Variants in MTHFD1 observed in about 807,000 individuals in gnomAD.
MTHFD1 encodes C-1-tetrahydrofolate synthase, cytoplasmic.
In MTHFD1, 44 loss-of-function variants were observed where a neutral mutation model predicts 110.3. That is an observed-to-expected ratio of 0.40 (90% CI 0.31 to 0.51). The LOEUF is 0.51. MTHFD1 is among the 20% of genes least tolerant of loss of function. The pLI, the probability that MTHFD1 is intolerant of heterozygous loss-of-function variation, is 0.60. For missense variants in MTHFD1, 909 were observed against 1,173.1 expected, an observed-to-expected ratio of 0.77 and a Z score of 3.29; for synonymous variants, 402 against 428.8, an observed-to-expected ratio of 0.94 and a Z score of 0.77.
At chr14:64,450,256 G>A (rs1195316871) in intron 24 of MTHFD1, among the ~76,000 whole-genome samples, 1 of 152,226 alleles carries the variant, frequency 6.6e-6, no homozygotes, top group Non-Finnish European at 1.5e-5. Context: ...GTAATTCACT[G>A]TAGCCTTTAA....
intron 15 of MTHFD1, among the ~76,000 whole-genome samples, chr14:64,434,978 G>T (rs1460708326): frequency 3.2e-4 from 24 of 75,768 alleles, no homozygotes; most frequent in Admixed American, 2.9e-3. Context: ...TTTTTTTTGA[G>T]ATGGAGTCTC....
chr14:64,395,827 A>C (rs1596529502), intron 1 of MTHFD1, among the ~76,000 whole-genome samples: 1 of 152,146 alleles, frequency 6.6e-6, no homozygotes, highest in Non-Finnish European at 1.5e-5. Context: ...GAGATCGAAA[A>C]ACCCTGATCA....
chr14:64,449,124 T>C, intron 23 of MTHFD1: 2 of 396,570 alleles, frequency 5.0e-6, no homozygotes, highest in South Asian at 4.3e-5. Context: ...TGCTAGTATT[T>C]ACTGATTCCT....
chr14:64,442,255 C>T lies in MTHFD1; in HGVS notation c.1997-8C>T. ...ATGGCATTTTTACTGTTGCTTTCCT[C>T]TTTACAGTGACGGAAGCAGGATTTG... is the stretch of plus-strand genomic sequence containing the variant. On this transcript the variant is annotated splice_region_variant and splice_polypyrimidine_tract_variant and intron_variant, in intron 20 of 27. Transcript: ENST00000652337. The T allele has an allele frequency of 6.2e-7, 1 of 1,614,238 alleles. No individual in the cohort carries two copies.
chr14:64,392,204 G>A (rs1024960217), intron 1 of MTHFD1, among the ~76,000 whole-genome samples: 1 of 152,156 alleles, frequency 6.6e-6, no homozygotes, highest in African/African-American at 2.4e-5. Context: ...TTACTGCTTT[G>A]GGGGGTCAAT....
chr14:64,400,636 T>A (rs2077888560), intron 1 of MTHFD1, among the ~76,000 whole-genome samples, 157 bp from the exon 2 acceptor site: 1 of 152,136 alleles, frequency 6.6e-6, no homozygotes, highest in African/African-American at 2.4e-5. Flanking sequence ...TGCAGTGAGC[T>A]TTGATTGTGC....
At chr14:64,453,717 C>T (rs1192666095) in intron 24 of MTHFD1, 37 bp from the exon 25 acceptor site, 2 of 1,234,596 alleles carry the variant, frequency 1.6e-6, no homozygotes, top group East Asian at 4.8e-5. Context: ...TCACATGTGT[C>T]CAGTCATGGT....
At position 64,390,678 on chromosome 14, in the gene MTHFD1, C is replaced by T. The variant is rs569654393; in HGVS notation, c.41+2210C>T. Among the ~76,000 whole-genome samples the T allele has an allele frequency of 2.0e-5, 3 of 151,800 alleles. No individual in the cohort carries two copies. In the South Asian group the frequency reaches 6.2e-4, roughly 32 times the overall value. ...TGTTTGTTTGTTTGAGACAGAGTTT[C>T]ACTCTTGTTGCCCAGGCTGGAGTGC... On this transcript the variant is annotated intron_variant, in intron 1 of 27. Coordinates refer to ENST00000652337, the MANE Select transcript of MTHFD1 (RefSeq NM_005956.4).
chr14:64,437,331 T>G (rs946674305), intron 16 of MTHFD1, among the ~76,000 whole-genome samples: 3 of 152,214 alleles, frequency 2.0e-5, no homozygotes, highest in African/African-American at 7.2e-5. Context: ...CCATCAGCAA[T>G]GATGTTATTA....
At chr14:64,405,187 C>T (rs967308557) in intron 2 of MTHFD1, among the ~76,000 whole-genome samples, 3 of 152,060 alleles carry the variant, frequency 2.0e-5, no homozygotes, top group African/African-American at 7.2e-5. Context: ...TATTTCTTGG[C>T]TTATTTTTGC....
chr14:64,442,022 C>A, intron 19 of MTHFD1, 32 bp from the exon 20 acceptor site: 1 of 1,434,322 alleles, frequency 7.0e-7, no homozygotes, highest in Non-Finnish European at 9.8e-7. Context: ...GCAGGATTGG[C>A]AGCTCAGCTC....
Position 64,417,528 on chromosome 14 carries a change from CT to C in MTHFD1, c.479-353del, listed in dbSNP as rs1160111443. Among the ~76,000 whole-genome samples, 6 of 152,150 alleles carry C rather than the reference CT, an allele frequency of 3.9e-5. No individual in the cohort carries two copies. The highest frequency in any genetic ancestry group is 1.2e-4 in the African/African-American group (5 of 41,432). On this transcript the variant is annotated intron_variant, in intron 6 of 27. Coordinates refer to ENST00000652337, the MANE Select transcript of MTHFD1 (RefSeq NM_005956.4). This position sits in a 1 kb window ranked among gnomAD's most constrained non-coding sequence, Gnocchi z 4.4. The stretch of plus-strand genomic sequence containing the variant: ...GTTACATACACCCTATTTGTTTTAA[CT>C]TTTTTTCCCCATGTAATTTAATCTG...
chr14:64,429,412 C>A (rs8004960), intron 12 of MTHFD1, among the ~76,000 whole-genome samples: 5,829 of 151,632 alleles, frequency 0.038, 396 homozygotes, highest in African/African-American at 0.13. Flanking sequence ...CTCACTGCAG[C>A]CTTGATCTCC....
intron 3 of MTHFD1, 125 bp from the exon 4 acceptor site, chr14:64,412,347 T>C (rs990267614): frequency 9.2e-6 from 7 of 762,372 alleles, no homozygotes. Flanking sequence ...GGACTCATTC[T>C]TCAGAACATA....
rs1253562006 is a variant in MTHFD1 at position 64,434,007 on chromosome 14, G to T, written c.1495-1562G>T. ...GATGCCCCACTGCACTCCAGCCTGG[G>T]TGACAGACAGAGACTGTCTCAAAAA... On this transcript the variant is annotated intron_variant, in intron 15 of 27. Transcript: ENST00000652337. 2.6e-5 allele frequency among the ~76,000 whole-genome samples: 4 copies of T among 152,144 alleles called. No homozygotes were observed. In the East Asian group the frequency reaches 5.8e-4, roughly 22 times the overall value.
Position 64,401,582 on chromosome 14 carries a change from A to G in MTHFD1, c.126+705A>G, listed in dbSNP as rs2077897379. ...GCTGGGCGTGGTGGTGGGCGCCTGTAATCCCAGCTACTCTGGAGGCTGAGG... is the reference window on the plus strand; with the variant it reads ...GCTGGGCGTGGTGGTGGGCGCCTGTGATCCCAGCTACTCTGGAGGCTGAGG... On this transcript the variant is annotated intron_variant, in intron 2 of 27. Transcript: ENST00000652337. Among the ~76,000 whole-genome samples the G allele has an allele frequency of 2.0e-5, 3 of 152,004 alleles. No homozygotes were observed. In the South Asian group the frequency reaches 6.2e-4, roughly 32 times the overall value.
chr14:64,434,158 T>C (rs1391742664), intron 15 of MTHFD1, among the ~76,000 whole-genome samples: 1 of 152,212 alleles, frequency 6.6e-6, no homozygotes, highest in African/African-American at 2.4e-5. Flanking sequence ...CCTTTGTACA[T>C]GTGTGAGTAA....
At position 64,400,773 on chromosome 14, in the gene MTHFD1, A is replaced by G. The variant is rs746901070; in HGVS notation, c.42-20A>G. 4 of 1,542,054 alleles carry G rather than the reference A, an allele frequency of 2.6e-6. No homozygotes were observed. Among genetic ancestry groups the G allele is most frequent in the Non-Finnish European group, 3.6e-6 (4 of 1,115,066 alleles). The stretch of plus-strand genomic sequence containing the variant: ...GCTTGAAACATTCAGTGTTAACCCC[A>G]CCCTTTCCTTTTTCTCTAGGCAAAT... On this transcript the variant is annotated intron_variant, in intron 1 of 27. Coordinates refer to ENST00000652337, the MANE Select transcript of MTHFD1 (RefSeq NM_005956.4).
At position 64,417,935 on chromosome 14, in the gene MTHFD1, A is replaced by G; in HGVS notation, c.526A>G (p.Ile176Val). The G allele has an allele frequency of 6.2e-7, 1 of 1,613,634 alleles. No individual in the cohort carries two copies. Among genetic ancestry groups the G allele is most frequent in the Non-Finnish European group, 8.5e-7 (1 of 1,180,000 alleles). Residue 176 changes from isoleucine to valine, a missense_variant, in exon 7 of 28, where the codon ATA becomes GTA. Coordinates refer to ENST00000652337, the MANE Select transcript of MTHFD1 (RefSeq NM_005956.4). This position sits in a 1 kb window ranked among gnomAD's most constrained non-coding sequence, Gnocchi z 4.4. ...RHAVVVGRSK[I>V]VGAPMHDLLL... ...TGCTGTGGTGGTTGGGCGCAGTAAAATAGTTGGGGCCCCGATGCATGACTT... is the reference window on the plus strand; with the variant it reads ...TGCTGTGGTGGTTGGGCGCAGTAAAGTAGTTGGGGCCCCGATGCATGACTT...
Sources: gnomAD v4.1 joint callset for allele counts (sites outside exome capture counted in the v4.1 genomes callset) on GRCh38, gnomAD v4.1.1 for gene constraint, Gnocchi (gnomAD v3.1) non-coding constraint, MANE v1.5 for transcripts, NCBI Gene and HGNC (gene_info 2026-07-23, HGNC 2026-07-21) for gene names.